KDM5B: variants seen among roughly 807,000 people sequenced by gnomAD.
KDM5B encodes lysine demethylase 5B, also known as lysine-specific demethylase 5B.
In KDM5B, 144 loss-of-function variants were observed where a neutral mutation model predicts 193.4. That is an observed-to-expected ratio of 0.74 (90% CI 0.65 to 0.86). The LOEUF (loss-of-function observed/expected upper bound fraction) is 0.86. Among genes scored for constraint, KDM5B ranks in the 40% least tolerant of loss-of-function variants. The pLI is 0.00. For synonymous variants in KDM5B, 668 were observed against 682.6 expected (o/e 0.98, Z 0.33); for missense variants, 1,833 against 1,886.9 (o/e 0.97, Z 0.53).
chr1:202,745,729 G>A lies in KDM5B; in HGVS notation c.2323+129C>T, dbSNP rs558832444. 158 of 991,036 alleles carry A rather than the reference G, an allele frequency of 1.6e-4. 1 individual carries two copies. Among genetic ancestry groups the A allele is most frequent in the Middle Eastern group, 6.4e-4 (3 of 4,702 alleles). The allele number at this position is 991,036 out of a possible 1,614,324, so 61.4% of individuals were successfully genotyped here. ...CTTCTCTGCCGGTGCTCTGTAAACC[G>A]GGCTATGTAGAGGGGCTAACCAAGG... On this transcript the variant is annotated intron_variant, in intron 16 of 26. Coordinates refer to ENST00000367265, the MANE Select transcript of KDM5B (RefSeq NM_006618.5).
chr1:202,745,310 T>C (rs1655509491), intron 16 of KDM5B, among the ~76,000 whole-genome samples: 1 of 152,198 alleles, frequency 6.6e-6, no homozygotes, highest in Non-Finnish European at 1.5e-5. Flanking sequence ...CTTGCACATA[T>C]ACCCCTGAGG....
chr1:202,754,530 G>A (rs1286269301), intron 11 of KDM5B, among the ~76,000 whole-genome samples: 3 of 152,148 alleles, frequency 2.0e-5, no homozygotes, highest in Non-Finnish European at 4.4e-5. Context: ...CACAACAAAA[G>A]AGAGGCTAGT....
In KDM5B at chr1:202,770,661, T is replaced by C. The variant is rs74670461; in HGVS notation, c.576+2457A>G. Among the ~76,000 whole-genome samples the C allele has an allele frequency of 6.3e-3, 956 of 152,314 alleles. 16 individuals carry two copies. Among genetic ancestry groups the C allele is most frequent in the African/African-American group, 0.022 (915 of 41,572 alleles). On this transcript the variant is annotated intron_variant, in intron 4 of 26. Transcript: ENST00000367265. ...TGCATTTTCAAAAACTATTCAATGA[T>C]ACAGCAAATGCTCATATGATTAGTA...
chr1:202,736,328 G>C lies in KDM5B; in HGVS notation c.3149C>G (p.Pro1050Arg). 1 of 1,612,108 alleles carries C rather than the reference G, an allele frequency of 6.2e-7. No homozygotes were observed. The highest frequency in any genetic ancestry group is 8.5e-7 in the Non-Finnish European group (1 of 1,178,974). The change falls in exon 21 of 27, where the codon CCC becomes CGC. Residue 1050 changes from proline (P) to arginine (R), a missense_variant. Around this residue, in one of 3 missense-constraint regions of KDM5B, gnomAD observed 1,379 missense variants for 1,349.6 expected, o/e 1.02. Coordinates refer to ENST00000367265, the MANE Select transcript of KDM5B (RefSeq NM_006618.5). ...TCTTGGCAAAGAATTCAGATGTACG[G>C]GGATAGATCGGCCTCGTGTAACAAG... ...IELVTRGRSI[P>R]VHLNSLPRLE...
intron 3 of KDM5B, among the ~76,000 whole-genome samples, chr1:202,773,624 G>C (rs184803306): frequency 6.6e-6 from 1 of 152,202 alleles, no homozygotes; most frequent in East Asian, 1.9e-4. Context: ...CTTATTCTGG[G>C]CTCTTAAATA....
intron 1 of KDM5B, among the ~76,000 whole-genome samples, chr1:202,792,577 TG>T (rs1293396494): frequency 1.3e-5 from 2 of 152,190 alleles, no homozygotes; most frequent in African/African-American, 4.8e-5. Context: ...TCAAAAATAC[TG>T]ATAAGTAGAT....
intron 16 of KDM5B, among the ~76,000 whole-genome samples, chr1:202,743,664 G>T (rs1655440969): frequency 6.6e-6 from 1 of 152,144 alleles, no homozygotes; most frequent in Non-Finnish European, 1.5e-5. Context: ...TAACAGAACA[G>T]AATAGAGAAC....
chr1:202,787,953 G>C (rs1488000217), intron 1 of KDM5B, among the ~76,000 whole-genome samples: 1 of 152,072 alleles, frequency 6.6e-6, no homozygotes, highest in Non-Finnish European at 1.5e-5. Context: ...AGCTGAAAGG[G>C]GGGAGTTTTC....
intron 21 of KDM5B, 33 bp downstream of exon 21, chr1:202,736,180 A>G (rs1405812814): frequency 6.9e-7 from 1 of 1,456,702 alleles, no homozygotes; most frequent in South Asian, 1.4e-5. Context: ...TAGGAGATCT[A>G]AGGTCTTGCA....
chr1:202,749,670 A>T (rs7530414), intron 13 of KDM5B, among the ~76,000 whole-genome samples: 113,701 of 147,924 alleles, frequency 0.77, 44,449 homozygotes, highest in Admixed American at 0.86. Context: ...AAAAGTGGTT[A>T]AAAAAAAAAA....
chr1:202,794,253 A>C (rs1321936714), intron 1 of KDM5B, among the ~76,000 whole-genome samples: 1 of 152,196 alleles, frequency 6.6e-6, no homozygotes, highest in African/African-American at 2.4e-5. Flanking sequence ...TAACCACAGA[A>C]AATTGGGAGG....
At chr1:202,785,686 CA>C (rs1487480910) in intron 1 of KDM5B, among the ~76,000 whole-genome samples, 6 of 152,066 alleles carry the variant, frequency 3.9e-5, no homozygotes, top group African/African-American at 1.4e-4. Context: ...CCAAGGCGGG[CA>C]GATCATGAGG....
intron 22 of KDM5B, among the ~76,000 whole-genome samples, chr1:202,734,805 G>C (rs932310047): frequency 5.3e-5 from 8 of 152,204 alleles, no homozygotes; most frequent in African/African-American, 1.9e-4. Context: ...AAATCAATGG[G>C]AGAAGGTGTC....
chr1:202,782,647 T>C (rs976521684), intron 1 of KDM5B, among the ~76,000 whole-genome samples: 4 of 152,172 alleles, frequency 2.6e-5, no homozygotes, highest in African/African-American at 9.7e-5. Flanking sequence ...CTTAGAAACA[T>C]TGCGATAATG....
At chr1:202,775,124 C>T (rs559893322) in intron 2 of KDM5B, among the ~76,000 whole-genome samples, 1 of 151,472 alleles carries the variant, frequency 6.6e-6, no homozygotes, top group African/African-American at 2.4e-5. Context: ...GTAATCCCAG[C>T]TACTCAGGAG....
chr1:202,740,700 A>G lies in KDM5B; in HGVS notation c.3058T>C (p.Trp1020Arg). 1 of 1,612,526 alleles carries G rather than the reference A, an allele frequency of 6.2e-7. No individual in the cohort carries two copies. The highest frequency in any genetic ancestry group is 8.5e-7 in the Non-Finnish European group (1 of 1,179,740). Residue 1020 changes from tryptophan to arginine, a missense_variant, in exon 20 of 27, where the codon TGG becomes CGG. By Grantham distance (101) the Trp-to-Arg change is moderately radical. This residue lies in a region of KDM5B where 1,379 missense variants were observed against 1,349.6 expected (regional missense o/e 1.02). Coordinates refer to ENST00000367265, the MANE Select transcript of KDM5B (RefSeq NM_006618.5). ...TGCAGGCCCTCTACATCCTGAAGCC[A>G]GTCTCTGGCTCTCTGCACTGAGTCT... Reference protein sequence around the residue: ...LKDSVQRARDWLQDVEGLQAG... With the variant: ...LKDSVQRARDRLQDVEGLQAG...
intron 1 of KDM5B, among the ~76,000 whole-genome samples, chr1:202,782,006 AC>A (rs1657217594): frequency 1.1e-5 from 1 of 87,748 alleles, no homozygotes; most frequent in Non-Finnish European, 3.4e-5. Context: ...ATGAATATAT[AC>A]ACAATATACT....
At chr1:202,752,877 G>A in intron 12 of KDM5B, 28 bp downstream of exon 12, 3 of 1,586,136 alleles carry the variant, frequency 1.9e-6, no homozygotes, top group Non-Finnish European at 2.6e-6. Flanking sequence ...TTAAGCTTGA[G>A]TGGCAGGAGG....
chr1:202,736,508 C>T (rs752003488), intron 20 of KDM5B, 116 bp from the exon 21 acceptor site: 18 of 657,156 alleles, frequency 2.7e-5, no homozygotes, highest in Non-Finnish European at 3.9e-5. Context: ...ATGATCTCAA[C>T]ATGCTAAATT....
Sources: allele counts gnomAD v4.1 joint callset (sites outside exome capture counted in the v4.1 genomes callset), GRCh38; gene constraint gnomAD v4.1.1; regional missense constraint gnomAD v4.1.1; transcripts MANE v1.5; gene names NCBI Gene and HGNC (gene_info 2026-07-23, HGNC 2026-07-21).